The following FABP12 variants were observed in gnomAD, a reference collection of about 807,000 sequenced individuals.
The protein encoded by FABP12 is fatty acid binding protein 12.
FABP12 carries 19 observed loss-of-function variants against 13.7 expected under a neutral mutation model. That is an observed-to-expected ratio of 1.39 (90% CI 0.97 to 2.04). The LOEUF is 2.04. FABP12 is among the 30% of genes most tolerant of loss of function. FABP12 has a pLI of 0.00. For synonymous variants in FABP12, 61 were observed against 57.0 expected, an observed-to-expected ratio of 1.07 and a Z score of -0.32; for missense variants, 182 against 164.2, an observed-to-expected ratio of 1.11 and a Z score of -0.59.
chr8:81,572,162 C>A (rs1809945265), intron 1 of FABP12, among the ~76,000 whole-genome samples: 2 of 151,610 alleles, frequency 1.3e-5, no homozygotes, highest in Non-Finnish European at 2.9e-5. Context: ...TATGCCTTTG[C>A]ATCCTCATAG....
chr8:81,570,252 G>T (rs1809903069), intron 1 of FABP12, among the ~76,000 whole-genome samples: 1 of 152,166 alleles, frequency 6.6e-6, no homozygotes, highest in African/African-American at 2.4e-5. Context: ...ATCCCCAAAG[G>T]GCTACAGATC....
intron 1 of FABP12, among the ~76,000 whole-genome samples, chr8:81,569,911 G>A (rs1032380312): frequency 3.3e-5 from 5 of 152,140 alleles, no homozygotes; most frequent in Admixed American, 6.5e-5. Context: ...CGTTCTGCCC[G>A]CTCGGCCTGG....
chr8:81,545,362 T>A (rs1809420615), intron 1 of FABP12, among the ~76,000 whole-genome samples: 1 of 152,154 alleles, frequency 6.6e-6, no homozygotes, highest in Non-Finnish European at 1.5e-5. Context: ...GGACTTCTCT[T>A]TCAGAAAGAT....
intron 1 of FABP12, among the ~76,000 whole-genome samples, chr8:81,531,943 GCA>G (rs10554665): frequency 0.15 from 21,881 of 147,102 alleles, 1,603 homozygotes; most frequent in African/African-American, 0.2. Context: ...ACAAACACAT[GCA>G]CACACACACA....
intron 1 of FABP12, among the ~76,000 whole-genome samples, chr8:81,588,579 C>G (rs1014003886): frequency 4.6e-5 from 7 of 152,122 alleles, no homozygotes; most frequent in African/African-American, 1.7e-4. Context: ...AGTATAAGAT[C>G]ATGCTGTCTG....
intron 1 of FABP12, among the ~76,000 whole-genome samples, chr8:81,580,967 AAGCTGCTTTATCCTAGAGGT>A (rs1345316298): frequency 6.6e-6 from 1 of 152,328 alleles, no homozygotes; most frequent in Admixed American, 6.5e-5. Context: ...TTTTTGATCC[AAGCTGCTTTATCCTAGAGGT>A]TCTCTTACTC....
chr8:81,574,479 G>A (rs1459983303), intron 1 of FABP12, among the ~76,000 whole-genome samples: 1 of 152,032 alleles, frequency 6.6e-6, no homozygotes, highest in Non-Finnish European at 1.5e-5. Flanking sequence ...AATAAATTAG[G>A]GAGGGGTTCT....
At chr8:81,566,859 A>C in intron 1 of FABP12, among the ~76,000 whole-genome samples, 1 of 152,170 alleles carries the variant, frequency 6.6e-6, no homozygotes, top group East Asian at 1.9e-4. Flanking sequence ...GAAAGGAAGA[A>C]GTCAAATTAT....
At chr8:81,577,887 C>T (rs1395665402) in intron 1 of FABP12, among the ~76,000 whole-genome samples, 1 of 152,180 alleles carries the variant, frequency 6.6e-6, no homozygotes, top group East Asian at 1.9e-4. Flanking sequence ...TCCCAATATT[C>T]TCACAATTAC....
chr8:81,552,875 G>A lies in FABP12; in HGVS notation c.-184-13132C>T, dbSNP rs1753187657. 2.0e-5 allele frequency among the ~76,000 whole-genome samples: 3 copies of A among 151,976 alleles called. No individual in the cohort carries two copies. In the South Asian group the frequency reaches 6.2e-4, roughly 32 times the overall value. ...GCTAGTGGTTCCATTTACTGAGAGAGGAAGGAAAAAAAGGGGATGTCCAGG... is the reference window on the plus strand; with the variant it reads ...GCTAGTGGTTCCATTTACTGAGAGAAGAAGGAAAAAAAGGGGATGTCCAGG... On this transcript the variant is annotated intron_variant, in intron 1 of 5. Coordinates refer to the FABP12 transcript ENST00000692030.
chr8:81,569,743 A>G (rs1809889945), intron 1 of FABP12, among the ~76,000 whole-genome samples: 1 of 152,236 alleles, frequency 6.6e-6, no homozygotes, highest in African/African-American at 2.4e-5. Flanking sequence ...GTTGTTAAAC[A>G]AACCAGCAGT....
intron 1 of FABP12, among the ~76,000 whole-genome samples, chr8:81,586,240 C>A (rs1204659553): frequency 6.6e-6 from 1 of 151,574 alleles, no homozygotes; most frequent in Non-Finnish European, 1.5e-5. Context: ...ATTCATCCGA[C>A]TGTTGATGGG....
At chr8:81,541,591 T>C (rs1419966432) in intron 1 of FABP12, among the ~76,000 whole-genome samples, 1 of 152,016 alleles carries the variant, frequency 6.6e-6, no homozygotes, top group African/African-American at 2.4e-5. Flanking sequence ...TTTGCAAGGT[T>C]TTTTCTTTTT....
At chr8:81,577,691 G>A (rs1356224481) in intron 1 of FABP12, among the ~76,000 whole-genome samples, 1 of 152,188 alleles carries the variant, frequency 6.6e-6, no homozygotes, top group East Asian at 1.9e-4. Context: ...AACCCGGGAG[G>A]TGGAGGTTGC....
chr8:81,552,541 T>C lies in FABP12; in HGVS notation c.-184-12798A>G, dbSNP rs112918960. Among the ~76,000 whole-genome samples the C allele has an allele frequency of 9.2e-4, 140 of 152,238 alleles. 1 individual carries two copies. The highest frequency in any genetic ancestry group is 3.2e-3 in the African/African-American group (134 of 41,530). On this transcript the variant is annotated intron_variant, in intron 1 of 5. Coordinates refer to the FABP12 transcript ENST00000692030. ...TGGAGGCAGGATGAAAGGAGACTTG[T>C]TAGACTGTCAGAGGAAATAAGAGTG... is the stretch of plus-strand genomic sequence containing the variant.
At chr8:81,543,148 A>T (rs1355782232) in intron 1 of FABP12, among the ~76,000 whole-genome samples, 1 of 152,254 alleles carries the variant, frequency 6.6e-6, no homozygotes, top group Non-Finnish European at 1.5e-5. Flanking sequence ...AGACATTGTC[A>T]TTGAAGGCAG....
intron 1 of FABP12, among the ~76,000 whole-genome samples, chr8:81,587,390 C>G (rs1474121498): frequency 6.6e-6 from 1 of 152,080 alleles, no homozygotes; most frequent in African/African-American, 2.4e-5. Flanking sequence ...GCAGTATGGC[C>G]ATTTTAACAA....
intron 1 of FABP12, among the ~76,000 whole-genome samples, chr8:81,583,544 A>G (rs1810198680): frequency 6.6e-6 from 1 of 152,170 alleles, no homozygotes; most frequent in South Asian, 2.1e-4. Context: ...ACAAAAGAGC[A>G]TCATAGATTA....
At chr8:81,563,758 T>A (rs140518327) in intron 1 of FABP12, among the ~76,000 whole-genome samples, 2,183 of 151,970 alleles carry the variant, frequency 0.014, 42 homozygotes, top group African/African-American at 0.049. Flanking sequence ...GAAAGAAGAA[T>A]AATAAAGAAA....
Sources: gnomAD v4.1 joint callset for allele counts (sites outside exome capture counted in the v4.1 genomes callset) on GRCh38, gnomAD v4.1.1 for gene constraint, MANE v1.5 for transcripts, NCBI Gene and HGNC (gene_info 2026-07-23, HGNC 2026-07-21) for gene names.